Variants in KCNK13 observed in about 807,000 individuals in gnomAD.
The protein encoded by KCNK13 is potassium two pore domain channel subfamily K member 13.
In KCNK13, 12 loss-of-function variants were observed where a neutral mutation model predicts 23.4. The ratio of observed to expected loss-of-function variants is 0.51; its 90% CI spans 0.33 to 0.83. The LOEUF is 0.83. Ranked by LOEUF, KCNK13 falls within the 40% of genes least tolerant of loss-of-function variation. The pLI is 0.02. For missense variants in KCNK13, 463 were observed against 556.3 expected (o/e 0.83, Z 1.69); for synonymous variants, 231 against 229.5 (o/e 1.01, Z -0.06).
intron 1 of KCNK13, among the ~76,000 whole-genome samples, chr14:90,101,790 CAAAAA>C (rs546423368): frequency 0.011 from 627 of 55,596 alleles, 24 homozygotes; most frequent in African/African-American, 0.034. Context: ...ACTCCGTCTC[CAAAAA>C]AAAAAAAAAA....
At chr14:90,065,120 G>A (rs371857198) in intron 1 of KCNK13, among the ~76,000 whole-genome samples, 4 of 152,164 alleles carry the variant, frequency 2.6e-5, no homozygotes, top group East Asian at 1.9e-4. Context: ...TTTCCTCTGC[G>A]TATACTTATA....
At chr14:90,086,701 C>T (rs1319875574) in intron 1 of KCNK13, among the ~76,000 whole-genome samples, 2 of 152,064 alleles carry the variant, frequency 1.3e-5, no homozygotes, top group Non-Finnish European at 2.9e-5. Context: ...TCCTTAGAAC[C>T]ACACCCAGCA....
chr14:90,142,349 C>T (rs1487465139), intron 1 of KCNK13, among the ~76,000 whole-genome samples: 7 of 108,104 alleles, frequency 6.5e-5, no homozygotes, highest in African/African-American at 2.2e-4. Context: ...GACGGAGTCT[C>T]GGTCTGTCAC....
In KCNK13 at chr14:90,062,647, C is replaced by G; in HGVS notation, c.334+108C>G. The stretch of plus-strand genomic sequence containing the variant: ...TCATTCATCCATCTGGGCGCCCAGC[C>G]AGACTCCACTGACATGAGCTGTCGC... On this transcript the variant is annotated intron_variant, in intron 1 of 1. Transcript: ENST00000282146. The surrounding 1 kb of genome is among the most constrained non-coding windows in gnomAD (Gnocchi z 4.5). The G allele has an allele frequency of 2.4e-6, 2 of 828,522 alleles. No homozygotes were observed. The highest frequency in any genetic ancestry group is 2.1e-5 in the South Asian group (1 of 47,608). The allele number at this position is 828,522 out of a possible 1,614,324, so 51.3% of individuals were successfully genotyped here.
intron 1 of KCNK13, among the ~76,000 whole-genome samples, chr14:90,087,559 A>G (rs762533554): frequency 3.7e-4 from 56 of 152,278 alleles, no homozygotes; most frequent in Non-Finnish European, 6.9e-4. Flanking sequence ...CCCGCTTCTC[A>G]TGATAGAGCA....
chr14:90,089,388 T>C (rs149833224), intron 1 of KCNK13, among the ~76,000 whole-genome samples: 1 of 152,206 alleles, frequency 6.6e-6, no homozygotes. Flanking sequence ...AACTTTGAAC[T>C]TGAGAGAGAT....
At chr14:90,075,029 G>A (rs956927287) in intron 1 of KCNK13, among the ~76,000 whole-genome samples, 2 of 144,608 alleles carry the variant, frequency 1.4e-5, no homozygotes, top group African/African-American at 5.8e-5. Context: ...ACACATTTTT[G>A]TATTTTTATT....
At chr14:90,071,742 CA>C (rs1025427481) in intron 1 of KCNK13, among the ~76,000 whole-genome samples, 1 of 151,884 alleles carries the variant, frequency 6.6e-6, no homozygotes, top group African/African-American at 2.4e-5. Flanking sequence ...ACTAAAAATA[CA>C]AAAAATTAGC....
intron 1 of KCNK13, among the ~76,000 whole-genome samples, chr14:90,104,795 T>TC (rs200069371): frequency 1.3e-4 from 19 of 141,762 alleles, no homozygotes; most frequent in African/African-American, 3.1e-4. Context: ...TCTTTTCTTT[T>TC]TTTTTTTTTT....
At chr14:90,142,313 CTTTTTTT>C (rs59863610) in intron 1 of KCNK13, among the ~76,000 whole-genome samples, 3 of 85,250 alleles carry the variant, frequency 3.5e-5, no homozygotes, top group Non-Finnish European at 4.1e-5. Flanking sequence ...CTGTCCAATT[CTTTTTTT>C]TTTTTTTTTT....
chr14:90,099,443 T>C (rs1889449331), intron 1 of KCNK13, among the ~76,000 whole-genome samples: 1 of 152,144 alleles, frequency 6.6e-6, no homozygotes, highest in Admixed American at 6.5e-5. Flanking sequence ...TTCCTACAAG[T>C]TGAGTATATG....
intron 1 of KCNK13, among the ~76,000 whole-genome samples, chr14:90,102,081 C>G (rs977466753): frequency 1.3e-5 from 2 of 152,030 alleles, no homozygotes; most frequent in African/African-American, 4.8e-5. Flanking sequence ...TGGGATTTCT[C>G]CATGTTGGCC....
chr14:90,100,379 AT>A (rs1249403021), intron 1 of KCNK13, among the ~76,000 whole-genome samples: 1 of 152,156 alleles, frequency 6.6e-6, no homozygotes, highest in East Asian at 1.9e-4. Context: ...CTGGAAGCTG[AT>A]TCTGCATGAA....
rs1209409233 is a variant in KCNK13, at chr14:90,080,059, G to C, written c.334+17520G>C. On this transcript the variant is annotated intron_variant, in intron 1 of 1. Transcript: ENST00000282146. ...GGTGGACAATGCTATTGTTGTCTGAGGACGGGATACCAAAGTGAGGACGGC... is the reference window on the plus strand; with the variant it reads ...GGTGGACAATGCTATTGTTGTCTGACGACGGGATACCAAAGTGAGGACGGC... Among the ~76,000 whole-genome samples the C allele has an allele frequency of 2.0e-5, 3 of 152,192 alleles. No individual in the cohort carries two copies. The South Asian group carries it at 6.2e-4, about 32-fold the overall frequency.
intron 1 of KCNK13, among the ~76,000 whole-genome samples, chr14:90,152,492 G>A (rs11849697): frequency 0.065 from 9,885 of 151,946 alleles, 415 homozygotes; most frequent in South Asian, 0.21. Context: ...CCGAGATCGC[G>A]CCATTGCACT....
intron 1 of KCNK13, among the ~76,000 whole-genome samples, chr14:90,101,349 C>A (rs767899539): frequency 6.6e-6 from 1 of 152,076 alleles, no homozygotes; most frequent in African/African-American, 2.4e-5. Flanking sequence ...TTGTCCCGGA[C>A]CAGAGTGTTG....
At chr14:90,085,871 ATATC>A (rs1261751852) in intron 1 of KCNK13, among the ~76,000 whole-genome samples, 4 of 143,630 alleles carry the variant, frequency 2.8e-5, no homozygotes, top group African/African-American at 1.0e-4. Flanking sequence ...ATATAAATTT[ATATC>A]TATCTATCTA....
At chr14:90,121,608 A>G (rs1455351880) in intron 1 of KCNK13, among the ~76,000 whole-genome samples, 2 of 152,236 alleles carry the variant, frequency 1.3e-5, no homozygotes, top group Non-Finnish European at 2.9e-5. Context: ...GAAAAAAGTC[A>G]GGAGCCCAGA....
intron 1 of KCNK13, among the ~76,000 whole-genome samples, chr14:90,135,133 CAG>C (rs144127384): frequency 6.6e-5 from 10 of 152,342 alleles, no homozygotes; most frequent in Non-Finnish European, 1.3e-4. Flanking sequence ...ACTGCTGACC[CAG>C]GTCTTCTAAT....
Sources: allele counts gnomAD v4.1 joint callset (sites outside exome capture counted in the v4.1 genomes callset), GRCh38; gene constraint gnomAD v4.1.1; non-coding constraint Gnocchi (gnomAD v3.1); transcripts MANE v1.5; gene names NCBI Gene and HGNC (gene_info 2026-07-23, HGNC 2026-07-21).